Variants in FAM24B observed in about 807,000 individuals in gnomAD.
The protein encoded by FAM24B is protein FAM24B.
In FAM24B, 3 loss-of-function variants were observed where a neutral mutation model predicts 2.3. That is an observed-to-expected ratio of 1.29 (90% CI 0.59 to 3.32). The LOEUF (loss-of-function observed/expected upper bound fraction) is 3.32, where lower values mean the gene tolerates loss of function less well. Ranked by LOEUF, FAM24B falls within the 30% of genes most tolerant of loss-of-function variation. The pLI is 0.03. For missense variants in FAM24B, 98 were observed against 117.2 expected (o/e 0.84, Z 0.76); for synonymous variants, 36 against 46.3 (o/e 0.78, Z 0.90).
chr10:122,851,738 G>C (rs1048714585), intron 2 of FAM24B, among the ~76,000 whole-genome samples: 2 of 152,090 alleles, frequency 1.3e-5, no homozygotes, highest in Non-Finnish European at 2.9e-5. Context: ...ATAAAGGAGT[G>C]GGGGAGCAAT....
intron 2 of FAM24B, 183 bp from the exon 3 acceptor site, chr10:122,850,733 G>A: frequency 4.0e-6 from 2 of 494,708 alleles, no homozygotes; most frequent in Non-Finnish European, 7.3e-6. Context: ...TGGAAAAAAA[G>A]AAATAAAAAA....
At chr10:122,868,297 C>A (rs1847834031) in intron 1 of FAM24B, among the ~76,000 whole-genome samples, 2 of 152,134 alleles carry the variant, frequency 1.3e-5, no homozygotes, top group African/African-American at 4.8e-5. Context: ...AAGACCAAAT[C>A]TACGTCTAAT....
intron 1 of FAM24B, among the ~76,000 whole-genome samples, chr10:122,871,361 C>T (rs937277394): frequency 2.0e-5 from 3 of 152,120 alleles, no homozygotes; most frequent in South Asian, 4.1e-4. Context: ...GCCATACTAC[C>T]CAAGGTAATT....
rs936659805 is a variant in FAM24B, at chr10:122,864,150, T to C, written c.-177-8364A>G. ...AGCAAGAGTGAAAAACATGAAGTTG[T>C]TGAAAAAATTTAGCATTACAGTAAT... On this transcript the variant is annotated intron_variant, in intron 1 of 3. Transcript: ENST00000368898. Among the ~76,000 whole-genome samples the C allele has an allele frequency of 3.3e-5, 5 of 152,194 alleles. No individual in the cohort carries two copies. The South Asian group carries it at 1.0e-3, about 31-fold the overall frequency.
At chr10:122,852,533 G>A (rs1437635878) in intron 2 of FAM24B, among the ~76,000 whole-genome samples, 3 of 152,092 alleles carry the variant, frequency 2.0e-5, no homozygotes, top group Non-Finnish European at 4.4e-5. Flanking sequence ...TGCAGTGGAG[G>A]TGGCCTTATT....
chr10:122,854,567 G>A (rs992988497), intron 2 of FAM24B, among the ~76,000 whole-genome samples: 5 of 152,146 alleles, frequency 3.3e-5, no homozygotes, highest in African/African-American at 9.7e-5. Context: ...AATAAATCCC[G>A]TTGCATTTCA....
Position 122,851,001 on chromosome 10 carries a change from G to A in FAM24B, c.-35-451C>T, listed in dbSNP as rs957772981. On this transcript the variant is annotated intron_variant, in intron 2 of 3. Transcript: ENST00000368898. The stretch of plus-strand genomic sequence containing the variant: ...TCTGTGGAAATGACTGTTTCCAAAT[G>A]TTACTGTCCCAACAATACTGAGAAT... Among the ~76,000 whole-genome samples, 5 of 152,252 alleles carry A rather than the reference G, an allele frequency of 3.3e-5. No homozygotes were observed. In the South Asian group the frequency reaches 8.3e-4, roughly 25 times the overall value.
At chr10:122,861,310 A>G (rs929936810) in intron 1 of FAM24B, among the ~76,000 whole-genome samples, 5 of 152,142 alleles carry the variant, frequency 3.3e-5, no homozygotes, top group Non-Finnish European at 7.4e-5. Flanking sequence ...TTGTGGATCT[A>G]TTTCTGGGCT....
At chr10:122,874,083 G>A (rs138860628) in intron 1 of FAM24B, among the ~76,000 whole-genome samples, 148 of 152,240 alleles carry the variant, frequency 9.7e-4, no homozygotes, top group African/African-American at 3.4e-3. Flanking sequence ...AGAAAAATGT[G>A]TATTCTGCTA....
At chr10:122,857,640 A>T (rs1847661407) in intron 1 of FAM24B, among the ~76,000 whole-genome samples, 1 of 152,164 alleles carries the variant, frequency 6.6e-6, no homozygotes, top group Non-Finnish European at 1.5e-5. Flanking sequence ...GTACTTGTGT[A>T]TTTATGGTAC....
At chr10:122,862,159 T>C (rs1251463404) in intron 1 of FAM24B, among the ~76,000 whole-genome samples, 2 of 152,216 alleles carry the variant, frequency 1.3e-5, no homozygotes, top group Non-Finnish European at 1.5e-5. Flanking sequence ...CCTCTTTATG[T>C]CTTTGCTAAA....
chr10:122,871,169 G>C (rs887760757), intron 1 of FAM24B, among the ~76,000 whole-genome samples: 2 of 151,896 alleles, frequency 1.3e-5, no homozygotes, highest in Non-Finnish European at 2.9e-5. Context: ...CAAATCATGA[G>C]TGAACTCCCA....
intron 1 of FAM24B, among the ~76,000 whole-genome samples, chr10:122,858,734 G>A (rs1357763676): frequency 6.6e-6 from 1 of 152,060 alleles, no homozygotes; most frequent in Admixed American, 6.5e-5. Context: ...CTCACTGTCT[G>A]TGGGGCACAC....
At chr10:122,867,245 G>A (rs1001990835) in intron 1 of FAM24B, among the ~76,000 whole-genome samples, 2 of 152,202 alleles carry the variant, frequency 1.3e-5, no homozygotes, top group Non-Finnish European at 2.9e-5. Context: ...GGCTGGGGGA[G>A]GGACGCCCAC....
chr10:122,872,002 AC>A (rs1847905474), intron 1 of FAM24B, among the ~76,000 whole-genome samples: 1 of 152,208 alleles, frequency 6.6e-6, no homozygotes, highest in Admixed American at 6.5e-5. Flanking sequence ...TGAACAGGCA[AC>A]CTACAGAATG....
chr10:122,856,158 T>C (rs1268629958), intron 1 of FAM24B, among the ~76,000 whole-genome samples: 3 of 151,530 alleles, frequency 2.0e-5, no homozygotes, highest in Admixed American at 2.0e-4. Context: ...GGTATCCCAT[T>C]TGAAGGGATG....
At chr10:122,855,191 A>G (rs1847617487) in intron 2 of FAM24B, 1 of 152,182 alleles carries the variant, frequency 6.6e-6, no homozygotes, top group Non-Finnish European at 1.5e-5. Flanking sequence ...ACAATATGCA[A>G]TCGGATTTTA....
rs1424029976 is a variant in FAM24B, at chr10:122,849,289, A to G, written c.243T>C (p.Asp81=). 3.1e-6 allele frequency: 5 copies of G among 1,589,926 alleles called. No homozygotes were observed. The highest frequency in any genetic ancestry group is 4.3e-6 in the Non-Finnish European group (5 of 1,166,672). Residue 81 remains aspartate (D), a synonymous_variant, in exon 4 of 4, where the codon GAT becomes GAC. Coordinates refer to ENST00000368898, the MANE Select transcript of FAM24B (RefSeq NM_152644.3). ...TGTCGCAACAGCAAGGTGGCAGGGA[A>G]TCAAAACTGGCACACATTCTATATC... is the stretch of plus-strand genomic sequence containing the variant. ...CEGYRMCASF[D]SLPPCCCDIN...
chr10:122,849,508 G>C, intron 3 of FAM24B, 69 bp from the exon 4 acceptor site: 1 of 1,427,094 alleles, frequency 7.0e-7, no homozygotes, highest in Non-Finnish European at 9.5e-7. Context: ...TAGAACTGTT[G>C]GGGGGTATCT....
Sources: allele counts gnomAD v4.1 joint callset (sites outside exome capture counted in the v4.1 genomes callset), GRCh38; gene constraint gnomAD v4.1.1; transcripts MANE v1.5; gene names NCBI Gene and HGNC (gene_info 2026-07-23, HGNC 2026-07-21).